Variants in LPP observed in about 807,000 individuals in gnomAD.
LPP encodes LIM domain containing preferred translocation partner in lipoma, also known as lipoma-preferred partner.
LPP carries 38 observed loss-of-function variants against 60.4 expected under a neutral mutation model. The ratio of observed to expected loss-of-function variants is 0.63; its 90% confidence interval spans 0.49 to 0.83. The LOEUF is 0.83. LPP is among the 40% of genes least tolerant of loss of function. LPP has a pLI of 0.00. For synonymous variants in LPP, 328 were observed against 290.8 expected (o/e 1.13, Z -1.30); for missense variants, 902 against 783.6 (o/e 1.15, Z -1.80).
intron 3 of LPP, among the ~76,000 whole-genome samples, chr3:188,398,969 T>C (rs558542073): frequency 6.6e-6 from 1 of 152,362 alleles, no homozygotes; most frequent in African/African-American, 2.4e-5. Flanking sequence ...GAATTACAGA[T>C]GATATCAAAA....
rs115671466 is a variant in LPP, at chr3:188,353,622, G to A, written c.-10+11903G>A. Among the ~76,000 whole-genome samples, 711 of 152,254 alleles carry A rather than the reference G, an allele frequency of 4.7e-3. 3 individuals carry two copies. Among genetic ancestry groups the A allele is most frequent in the African/African-American group, 0.016 (668 of 41,538 alleles). ...CTTTCCCCCACTACATACCGAAGAG[G>A]TCTTACTTCATTGACAGTGGTTCAG... On this transcript the variant is annotated intron_variant, in intron 3 of 11. Coordinates refer to ENST00000617246, the MANE Select transcript of LPP (RefSeq NM_001375462.1).
chr3:188,481,176 C>G (rs1398327984), intron 4 of LPP, among the ~76,000 whole-genome samples: 3 of 152,126 alleles, frequency 2.0e-5, no homozygotes, highest in Non-Finnish European at 4.4e-5. Context: ...CATTGAAACT[C>G]TCCCGGTTAG....
intron 9 of LPP, 127 bp downstream of exon 9, chr3:188,760,409 G>GGTGGGTGTGTGTGTGTGTGT (rs1553836226): frequency 1.8e-6 from 1 of 556,762 alleles, no homozygotes; most frequent in African/African-American, 2.0e-5. Flanking sequence ...GTGTGTGTGG[G>GGTGGGTGTGTGTGTGTGTGT]GTGTGTGTGT....
chr3:188,745,836 C>T (rs948935465), intron 8 of LPP, among the ~76,000 whole-genome samples: 40 of 152,194 alleles, frequency 2.6e-4, no homozygotes, highest in Middle Eastern at 3.4e-3. Context: ...TTGGAGCATA[C>T]TTTGAAAGCC....
intron 2 of LPP, among the ~76,000 whole-genome samples, chr3:188,255,488 C>T (rs1420017819): frequency 6.6e-6 from 1 of 152,172 alleles, no homozygotes; most frequent in Non-Finnish European, 1.5e-5. Flanking sequence ...CAAGCAGCCT[C>T]AGCTTGGTCC....
rs1843084405 is a variant in LPP at position 188,609,077 on chromosome 3, T to C, written c.430-84T>C. 2 of 982,206 alleles carry C rather than the reference T, an allele frequency of 2.0e-6. No individual in the cohort carries two copies. Among genetic ancestry groups the C allele is most frequent in the Admixed American group, 2.5e-5 (1 of 40,736 alleles). The allele number at this position is 982,206 out of a possible 1,614,324, so 60.8% of individuals were successfully genotyped here. ...ATAAATAATAATTAGCAGTTATTAA[T>C]ATTTTTCATTTATTCATTTTTATTG... On this transcript the variant is annotated intron_variant, in intron 6 of 11. Coordinates refer to ENST00000617246, the MANE Select transcript of LPP (RefSeq NM_001375462.1). This position sits in a 1 kb window ranked among gnomAD's most constrained non-coding sequence, Gnocchi z 6.9.
At chr3:188,288,180 T>C (rs1490239915) in intron 2 of LPP, among the ~76,000 whole-genome samples, 1 of 152,240 alleles carries the variant, frequency 6.6e-6, no homozygotes, top group Non-Finnish European at 1.5e-5. Flanking sequence ...TTAGAAAGCA[T>C]TGCCTCTTTG....
At chr3:188,512,211 G>A (rs538444982) in intron 5 of LPP, among the ~76,000 whole-genome samples, 2 of 152,156 alleles carry the variant, frequency 1.3e-5, no homozygotes, top group Non-Finnish European at 2.9e-5. Context: ...TCTTTTATCT[G>A]CACATCCTCA....
chr3:188,396,132 TG>T (rs939620855), intron 3 of LPP, among the ~76,000 whole-genome samples: 6 of 152,126 alleles, frequency 3.9e-5, no homozygotes, highest in Non-Finnish European at 8.8e-5. Flanking sequence ...GCAGATTATG[TG>T]GCCTGAATCA....
chr3:188,846,387 T>C (rs1247218970), intron 9 of LPP, among the ~76,000 whole-genome samples: 1 of 152,000 alleles, frequency 6.6e-6, no homozygotes, highest in Non-Finnish European at 1.5e-5. Flanking sequence ...CAAGAAAGTA[T>C]AAGATATGTG....
intron 3 of LPP, among the ~76,000 whole-genome samples, chr3:188,365,360 T>C (rs768865746): frequency 1.3e-5 from 2 of 152,250 alleles, no homozygotes; most frequent in Admixed American, 6.5e-5. Context: ...CCCTGCAGTA[T>C]GTGGTGAATG....
At chr3:188,832,071 C>T (rs1367175375) in intron 9 of LPP, among the ~76,000 whole-genome samples, 1 of 152,122 alleles carries the variant, frequency 6.6e-6, no homozygotes, top group Non-Finnish European at 1.5e-5. Flanking sequence ...TTCCAATGAC[C>T]CCTGCCTCCT....
chr3:188,381,658 T>C (rs910396903), intron 3 of LPP, among the ~76,000 whole-genome samples: 2 of 152,170 alleles, frequency 1.3e-5, no homozygotes, highest in African/African-American at 4.8e-5. Context: ...AAGCTTCACT[T>C]TTATATCGGT....
chr3:188,202,041 T>C (rs1313948481), intron 1 of LPP, among the ~76,000 whole-genome samples: 1 of 151,622 alleles, frequency 6.6e-6, no homozygotes, highest in African/African-American at 2.4e-5. Flanking sequence ...ATGGTGGCAA[T>C]AGAAGCTTCG....
chr3:188,422,924 T>TGTGTGC (rs1471887614), intron 4 of LPP, among the ~76,000 whole-genome samples: 11 of 148,704 alleles, frequency 7.4e-5, no homozygotes, highest in African/African-American at 2.5e-4. Context: ...TGTGTGTGTG[T>TGTGTGC]GTGTGTGTGT....
chr3:188,161,736 C>A (rs1040222344), intron 1 of LPP, among the ~76,000 whole-genome samples: 1 of 152,228 alleles, frequency 6.6e-6, no homozygotes, highest in Non-Finnish European at 1.5e-5. Context: ...ACTCCACCCT[C>A]CACTAGGGGT....
chr3:188,680,416 T>C (rs562140827), intron 7 of LPP, among the ~76,000 whole-genome samples: 1 of 152,348 alleles, frequency 6.6e-6, no homozygotes, highest in Admixed American at 6.5e-5. Context: ...CAATCTTTCA[T>C]ATGAAAGAAG....
intron 9 of LPP, among the ~76,000 whole-genome samples, chr3:188,808,403 G>A (rs778256641): frequency 9.3e-4 from 142 of 152,162 alleles, no homozygotes; most frequent in Admixed American, 1.6e-3. Context: ...GTGAGTCTCC[G>A]AAGCAGGCTG....
intron 9 of LPP, among the ~76,000 whole-genome samples, chr3:188,786,349 C>G (rs2150960190): frequency 7.4e-6 from 1 of 134,690 alleles, no homozygotes; most frequent in South Asian, 2.4e-4. Context: ...TGCCACTGCA[C>G]TCCAGCCTGG....
Sources: gnomAD v4.1 joint callset for allele counts (sites outside exome capture counted in the v4.1 genomes callset) on GRCh38, gnomAD v4.1.1 for gene constraint, Gnocchi (gnomAD v3.1) non-coding constraint, MANE v1.5 for transcripts, NCBI Gene and HGNC (gene_info 2026-07-23, HGNC 2026-07-21) for gene names.